Variants in XPO7 observed in about 807,000 individuals in gnomAD.
XPO7 encodes exportin 7.
Under a neutral mutation model 144.3 loss-of-function variants are expected in XPO7, and 21 were observed. The observed-to-expected ratio is 0.15, with a 90% CI of 0.10 to 0.21. The LOEUF (loss-of-function observed/expected upper bound fraction) is 0.21. XPO7 is among the 10% of genes least tolerant of loss of function. The pLI, the probability that XPO7 is intolerant of heterozygous loss-of-function variation, is 1.00. For missense variants in XPO7, 808 were observed against 1,325.8 expected (o/e 0.61, Z 6.06); for synonymous variants, 580 against 499.6 (o/e 1.16, Z -2.15).
intron 1 of XPO7, among the ~76,000 whole-genome samples, chr8:21,947,958 G>A (rs1380733520): frequency 6.6e-6 from 1 of 152,112 alleles, no homozygotes; most frequent in African/African-American, 2.4e-5. Context: ...AAAAAAACAT[G>A]GCATGTTTGA....
chr8:21,971,537 A>C (rs1363893973), intron 4 of XPO7, among the ~76,000 whole-genome samples: 1 of 152,130 alleles, frequency 6.6e-6, no homozygotes, highest in Non-Finnish European at 1.5e-5. Flanking sequence ...TGTTTTATGC[A>C]TTCTCTTTAT....
intron 1 of XPO7, among the ~76,000 whole-genome samples, chr8:21,948,350 G>C (rs1811259153): frequency 6.6e-6 from 1 of 152,190 alleles, no homozygotes; most frequent in Admixed American, 6.5e-5. Context: ...AGACCATTGT[G>C]TTACGGTTGC....
rs752850042 is a variant in XPO7, at chr8:21,989,073, C to T, written c.1858C>T (p.Leu620=). Residue 620 remains leucine (L), a synonymous_variant, in exon 16 of 28, where the codon CTG becomes TTG. Coordinates refer to ENST00000252512, the MANE Select transcript of XPO7 (RefSeq NM_015024.5). Reference sequence around the variant, plus strand: ...CAAGACACTACAGCTTCTCAATGACCTGTCCATTGGATATCCTTTTCTAAG... The same window carrying T: ...CAAGACACTACAGCTTCTCAATGACTTGTCCATTGGATATCCTTTTCTAAG... ...TSKTLQLLND[L]SIGYSSVRKL... 3.1e-6 allele frequency: 5 copies of T among 1,613,640 alleles called. No individual in the cohort carries two copies. The South Asian group carries it at 5.5e-5, about 18-fold the overall frequency.
chr8:21,970,869 T>C (rs938458968), intron 4 of XPO7, among the ~76,000 whole-genome samples: 3 of 152,170 alleles, frequency 2.0e-5, no homozygotes, highest in Non-Finnish European at 4.4e-5. Context: ...ATTTTTTAAG[T>C]AAATTTAGTG....
intron 1 of XPO7, among the ~76,000 whole-genome samples, chr8:21,949,298 G>C (rs1811294722): frequency 6.6e-6 from 1 of 152,134 alleles, no homozygotes; most frequent in South Asian, 2.1e-4. Flanking sequence ...TTCCGTTATT[G>C]CTCTGTCAGC....
chr8:21,927,918 G>A (rs1205984453), intron 1 of XPO7, among the ~76,000 whole-genome samples: 1 of 152,124 alleles, frequency 6.6e-6, no homozygotes, highest in Non-Finnish European at 1.5e-5. Flanking sequence ...GTGGATATTT[G>A]GTTCATAGAG....
chr8:21,987,980 T>C (rs1453431874), intron 15 of XPO7, 123 bp downstream of exon 15: 3 of 1,068,882 alleles, frequency 2.8e-6, no homozygotes, highest in Non-Finnish European at 4.0e-6. Flanking sequence ...CGTCAGAAAA[T>C]TGTGCATTTG....
chr8:21,923,017 A>G (rs575322675), intron 1 of XPO7, among the ~76,000 whole-genome samples: 11 of 152,364 alleles, frequency 7.2e-5, no homozygotes, highest in Admixed American at 2.6e-4. Context: ...CGGCCTGATT[A>G]TAGCAAAAGT....
At chr8:21,982,240 C>T (rs1057464050) in intron 10 of XPO7, among the ~76,000 whole-genome samples, 6 of 152,150 alleles carry the variant, frequency 3.9e-5, no homozygotes, top group Non-Finnish European at 8.8e-5. Context: ...AATTTTATGG[C>T]TTGTATCACA....
intron 1 of XPO7, among the ~76,000 whole-genome samples, chr8:21,927,313 G>A (rs994985854): frequency 6.6e-6 from 1 of 152,120 alleles, no homozygotes; most frequent in African/African-American, 2.4e-5. Context: ...TTGTTGTAAT[G>A]TAAAGGATTA....
intron 1 of XPO7, 116 bp from the exon 2 acceptor site, chr8:21,966,741 T>G (rs1811897590): frequency 2.1e-6 from 3 of 1,415,114 alleles, no homozygotes; most frequent in Admixed American, 4.9e-5. Context: ...TCTCCTCAGT[T>G]CAGAAGCAAT....
intron 2 of XPO7, among the ~76,000 whole-genome samples, chr8:21,968,474 C>T (rs1208487496): frequency 6.6e-6 from 1 of 152,212 alleles, no homozygotes; most frequent in African/African-American, 2.4e-5. Flanking sequence ...GTTTTACGCA[C>T]ATAGTGTTTT....
chr8:21,970,566 TA>T (rs1812023058), intron 4 of XPO7, among the ~76,000 whole-genome samples: 1 of 152,232 alleles, frequency 6.6e-6, no homozygotes, highest in Non-Finnish European at 1.5e-5. Flanking sequence ...AAAATATGTT[TA>T]ATTAATTAGT....
chr8:21,935,628 G>A (rs1015320262), intron 1 of XPO7, among the ~76,000 whole-genome samples: 3 of 152,122 alleles, frequency 2.0e-5, no homozygotes, highest in Non-Finnish European at 2.9e-5. Flanking sequence ...TTATTAGACC[G>A]AATTTGGAGG....
At chr8:21,971,813 A>G in intron 4 of XPO7, 63 bp from the exon 5 acceptor site, 1 of 1,426,882 alleles carries the variant, frequency 7.0e-7, no homozygotes, top group Non-Finnish European at 9.7e-7. Flanking sequence ...GTATGAGTGC[A>G]TTCCAAATGC....
In XPO7 at chr8:21,971,799, G is replaced by A. The variant is rs1812069646; in HGVS notation, c.427-77G>A. 6 of 1,173,446 alleles carry A rather than the reference G, an allele frequency of 5.1e-6. 1 individual carries two copies. Among genetic ancestry groups the A allele is most frequent in the South Asian group, 4.6e-5 (3 of 65,532 alleles). The allele number at this position is 1,173,446 out of a possible 1,614,324, so 72.7% of individuals were successfully genotyped here. ...CTAATGACACAGGAACCCGTCATTC[G>A]AAAGTATGAGTGCATTCCAAATGCC... On this transcript the variant is annotated intron_variant, in intron 4 of 27. Coordinates refer to ENST00000252512, the MANE Select transcript of XPO7 (RefSeq NM_015024.5).
At chr8:21,959,914 C>A (rs1417903952) in intron 1 of XPO7, among the ~76,000 whole-genome samples, 1 of 152,196 alleles carries the variant, frequency 6.6e-6, no homozygotes, top group African/African-American at 2.4e-5. Flanking sequence ...GAACTCTTCT[C>A]TGCCTAAGTT....
At chr8:21,988,910 C>G in intron 15 of XPO7, 93 bp from the exon 16 acceptor site, 1 of 1,183,396 alleles carries the variant, frequency 8.5e-7, no homozygotes, top group Non-Finnish European at 1.2e-6. Context: ...TGTGTGGTGA[C>G]TTTTGATGAA....
chr8:22,002,682 C>T (rs1236104348), intron 25 of XPO7, among the ~76,000 whole-genome samples: 1 of 152,224 alleles, frequency 6.6e-6, no homozygotes, highest in South Asian at 2.1e-4. Context: ...GAGATCAAAC[C>T]ATATGCTTGC....
Sources: gnomAD v4.1 joint callset for allele counts (sites outside exome capture counted in the v4.1 genomes callset) on GRCh38, gnomAD v4.1.1 for gene constraint, MANE v1.5 for transcripts, NCBI Gene and HGNC (gene_info 2026-07-23, HGNC 2026-07-21) for gene names.